The following TSPAN14 variants were observed in gnomAD, a reference collection of about 807,000 sequenced individuals.
The protein encoded by TSPAN14 is tetraspanin 14.
Under a neutral mutation model 36.6 loss-of-function variants are expected in TSPAN14, and 16 were observed. That is an observed-to-expected ratio of 0.44 (90% CI 0.30 to 0.66). The LOEUF (loss-of-function observed/expected upper bound fraction) is 0.66. Ranked by LOEUF, TSPAN14 falls within the 30% of genes least tolerant of loss-of-function variation. TSPAN14 has a pLI of 0.12. For missense variants in TSPAN14, 231 were observed against 355.1 expected (o/e 0.65, Z 2.81); for synonymous variants, 139 against 143.8 (o/e 0.97, Z 0.24).
At chr10:80,513,003 A>G (rs1387915065) in intron 6 of TSPAN14, among the ~76,000 whole-genome samples, 1 of 152,224 alleles carries the variant, frequency 6.6e-6, no homozygotes, top group African/African-American at 2.4e-5. Context: ...GGCTCAAGCA[A>G]TTCTCCAGCC....
At chr10:80,511,131 T>G (rs1840597053) in intron 5 of TSPAN14, among the ~76,000 whole-genome samples, 1 of 152,218 alleles carries the variant, frequency 6.6e-6, no homozygotes, top group Non-Finnish European at 1.5e-5. Context: ...AGAAGTTTTT[T>G]AGGGGAAAAG....
chr10:80,504,556 A>G (rs1840183208), intron 2 of TSPAN14, among the ~76,000 whole-genome samples, 172 bp from the exon 3 acceptor site: 1 of 152,176 alleles, frequency 6.6e-6, no homozygotes, highest in African/African-American at 2.4e-5. Flanking sequence ...GTTTGTCCAG[A>G]TATTCAGGAA....
chr10:80,478,315 A>G (rs1344260705), intron 1 of TSPAN14, among the ~76,000 whole-genome samples: 1 of 152,100 alleles, frequency 6.6e-6, no homozygotes, highest in Non-Finnish European at 1.5e-5. Context: ...AAATAGAGCA[A>G]ACAGATGAGG....
chr10:80,518,408 G>A (rs540080038), exon 9 of TSPAN14: 8 of 200,400 alleles, frequency 4.0e-5, no homozygotes, highest in African/African-American at 1.1e-4. Flanking sequence ...ACCCACAGGC[G>A]TGGACAGGGC....
chr10:80,504,593 CG>C, intron 2 of TSPAN14, 134 bp from the exon 3 acceptor site: 1 of 951,120 alleles, frequency 1.1e-6, no homozygotes, highest in Non-Finnish European at 1.6e-6. Context: ...CTGTCATCTG[CG>C]GGGCCTGAGG....
intron 5 of TSPAN14, 116 bp from the exon 6 acceptor site, chr10:80,512,028 C>A: frequency 6.6e-7 from 1 of 1,511,604 alleles, no homozygotes; most frequent in Non-Finnish European, 9.0e-7. Flanking sequence ...GCCTTGATTT[C>A]TCTGCATGGT....
intron 1 of TSPAN14, among the ~76,000 whole-genome samples, chr10:80,486,453 A>T (rs898694633): frequency 6.6e-6 from 1 of 152,244 alleles, no homozygotes; most frequent in East Asian, 1.9e-4. Flanking sequence ...GCACACAGAC[A>T]CGTTTGCTAA....
intron 1 of TSPAN14, among the ~76,000 whole-genome samples, chr10:80,455,644 C>G (rs1385598380): frequency 6.6e-6 from 1 of 152,128 alleles, no homozygotes; most frequent in Non-Finnish European, 1.5e-5. Context: ...CCCCTATGTC[C>G]TTGCCACATT....
chr10:80,479,967 A>C lies in TSPAN14; in HGVS notation c.-17-9250A>C, dbSNP rs374138634. On this transcript the variant is annotated intron_variant, in intron 1 of 8. Coordinates refer to ENST00000429989, the Ensembl canonical transcript of TSPAN14. ...ATTTGTTTGTATCCTCTTTTATTTC[A>C]TTGAGCAGTGGTTTGTAGTTCTCCT... Among the ~76,000 whole-genome samples the C allele has an allele frequency of 5.0e-3, 703 of 139,634 alleles. 7 individuals are homozygous for C. The highest frequency in any genetic ancestry group is 0.039 in the East Asian group (186 of 4,714). The allele number at this position is 139,634 out of a possible 152,430, so 91.6% of individuals were successfully genotyped here.
exon 1 of TSPAN14, chr10:80,454,329 C>CGGCCG (rs1564703462): frequency 6.6e-6 from 1 of 152,040 alleles, no homozygotes. Flanking sequence ...CTAACTTCCT[C>CGGCCG]GGCCGAGCCG....
Position 80,509,491 on chromosome 10 carries a change from G to C in TSPAN14, c.450+20G>C. Reference sequence around the variant, plus strand: ...AAAGCTGTAAGCACCTCCCCAGCGGGCCCCCGATAGAGCATGCACCTCCCT... The same window carrying C: ...AAAGCTGTAAGCACCTCCCCAGCGGCCCCCCGATAGAGCATGCACCTCCCT... On this transcript the variant is annotated intron_variant, in intron 5 of 8. Coordinates refer to ENST00000429989, the Ensembl canonical transcript of TSPAN14. The surrounding 1 kb of genome is among the most constrained non-coding windows in gnomAD (Gnocchi z 4.7). 6.2e-7 allele frequency: 1 copy of C among 1,609,600 alleles called. No homozygotes were observed. Among genetic ancestry groups the C allele is most frequent in the Non-Finnish European group, 8.5e-7 (1 of 1,177,892 alleles).
At chr10:80,478,037 T>C (rs1847023146) in intron 1 of TSPAN14, among the ~76,000 whole-genome samples, 2 of 152,094 alleles carry the variant, frequency 1.3e-5, no homozygotes, top group African/African-American at 4.8e-5. Context: ...TCACTCTTAG[T>C]CATGCGGACT....
rs145582053 is a variant in TSPAN14 at position 80,509,402 on chromosome 10, C to G, written c.381C>G (p.Phe127Leu). ...TGAGGGACCGGTTCCGGGAGTTCTT[C>G]GAGAGCAACATCAAGTCCTACCGGG... Residue 127 changes from phenylalanine (F) to leucine (L), a missense_variant, in exon 5 of 9, where the codon TTC becomes TTG. Coordinates refer to ENST00000429989, the Ensembl canonical transcript of TSPAN14. This position sits in a 1 kb window ranked among gnomAD's most constrained non-coding sequence, Gnocchi z 4.7. 2 of 1,613,994 alleles carry G rather than the reference C, an allele frequency of 1.2e-6. No individual in the cohort carries two copies. The highest frequency in any genetic ancestry group is 2.7e-5 in the African/African-American group (2 of 74,906).
At chr10:80,512,041 A>G (rs1840682854) in intron 5 of TSPAN14, 103 bp from the exon 6 acceptor site, 2 of 1,554,240 alleles carry the variant, frequency 1.3e-6, no homozygotes, top group Non-Finnish European at 1.8e-6. Flanking sequence ...TGCATGGTAG[A>G]TGCCGGCAGA....
intron 1 of TSPAN14, among the ~76,000 whole-genome samples, chr10:80,456,556 C>T (rs1845742727): frequency 2.0e-5 from 3 of 152,200 alleles, no homozygotes; most frequent in Admixed American, 2.0e-4. Context: ...CACTCTATGC[C>T]ACCATGTGCT....
chr10:80,522,202 A>T (rs1039454371), exon 9 of TSPAN14: 1 of 152,198 alleles, frequency 6.6e-6, no homozygotes, highest in Non-Finnish European at 1.5e-5. Flanking sequence ...GGGTCTTCCA[A>T]TGCATGGTTT....
chr10:80,499,074 C>T (rs1332091229), intron 2 of TSPAN14, among the ~76,000 whole-genome samples: 1 of 152,196 alleles, frequency 6.6e-6, no homozygotes, highest in Non-Finnish European at 1.5e-5. Context: ...CAGGAGTTGC[C>T]AAGTACTTTT....
At chr10:80,511,762 C>T (rs989370762) in intron 5 of TSPAN14, among the ~76,000 whole-genome samples, 4 of 133,560 alleles carry the variant, frequency 3.0e-5, no homozygotes, top group Non-Finnish European at 4.7e-5. Flanking sequence ...CTCTCTCTCT[C>T]TCTCTCTCTC....
At chr10:80,488,783 T>G (rs1847766742) in intron 1 of TSPAN14, among the ~76,000 whole-genome samples, 2 of 152,190 alleles carry the variant, frequency 1.3e-5, no homozygotes, top group African/African-American at 4.8e-5. Context: ...GGAAAGAACG[T>G]GGACTGTGAA....
Sources: allele counts gnomAD v4.1 joint callset (sites outside exome capture counted in the v4.1 genomes callset), GRCh38; gene constraint gnomAD v4.1.1; non-coding constraint Gnocchi (gnomAD v3.1); transcripts MANE v1.5; gene names NCBI Gene and HGNC (gene_info 2026-07-23, HGNC 2026-07-21).